Variants in ADAMTSL1 observed in about 807,000 individuals in gnomAD.
The protein encoded by ADAMTSL1 is ADAMTS like 1, also known as ADAMTS-like protein 1.
Under a neutral mutation model 201.8 loss-of-function variants are expected in ADAMTSL1, and 126 were observed. That is an observed-to-expected ratio of 0.62 (90% CI 0.54 to 0.72). The LOEUF is 0.72. Ranked by LOEUF, ADAMTSL1 falls within the 30% of genes least tolerant of loss-of-function variation. The pLI is 0.00. For missense variants in ADAMTSL1, 2,679 were observed against 2,277.8 expected, an observed-to-expected ratio of 1.18 and a Z score of -3.59; for synonymous variants, 1,121 against 903.4, an observed-to-expected ratio of 1.24 and a Z score of -4.32.
At position 17,938,538 on chromosome 9, in the gene ADAMTSL1, T is replaced by A. The variant is rs533382998; in HGVS notation, c.87+31616T>A. On this transcript the variant is annotated intron_variant, in intron 1 of 29. Transcript: ENST00000680146. ...AGGTTTGACTGAAGCCAGTATTCCC[T>A]ATAATTTGTTCCACTAGCTGCAGGT... Among the ~76,000 whole-genome samples the A allele has an allele frequency of 1.3e-4, 20 of 152,278 alleles. No homozygotes were observed. In the South Asian group the frequency reaches 3.9e-3, roughly 30 times the overall value.
chr9:18,037,951 G>GTCTGT (rs71304882), intron 1 of ADAMTSL1, among the ~76,000 whole-genome samples: 63,543 of 151,762 alleles, frequency 0.42, 13,833 homozygotes, highest in Non-Finnish European at 0.48. Flanking sequence ...GTCTGGTCTG[G>GTCTGT]TCTGGCATAT....
At chr9:18,089,270 G>A (rs911943073) in intron 1 of ADAMTSL1, among the ~76,000 whole-genome samples, 1 of 152,140 alleles carries the variant, frequency 6.6e-6, no homozygotes, top group African/African-American at 2.4e-5. Context: ...ATATACCATG[G>A]AATACTCTGC....
intron 2 of ADAMTSL1, among the ~76,000 whole-genome samples, chr9:18,173,630 T>A (rs1158109778): frequency 1.3e-5 from 2 of 152,136 alleles, no homozygotes; most frequent in African/African-American, 4.8e-5. Flanking sequence ...ATACCAAGAT[T>A]AATTATCTAG....
intron 16 of ADAMTSL1, 128 bp from the exon 17 acceptor site, chr9:18,770,474 C>A (rs1023410948): frequency 4.3e-5 from 43 of 995,944 alleles, no homozygotes; most frequent in Non-Finnish European, 6.1e-5. Context: ...GGGCCGATTC[C>A]TGGTTTTTCT....
At chr9:18,170,271 A>G (rs1455637741) in intron 2 of ADAMTSL1, among the ~76,000 whole-genome samples, 1 of 152,014 alleles carries the variant, frequency 6.6e-6, no homozygotes, top group East Asian at 1.9e-4. Context: ...TCATTTCTAC[A>G]TTTTTATGGA....
At position 18,646,676 on chromosome 9, in the gene ADAMTSL1, A is replaced by G. The variant is rs368965851; in HGVS notation, c.834+7265A>G. On this transcript the variant is annotated intron_variant, in intron 7 of 28. Coordinates refer to ENST00000380548, the MANE Select transcript of ADAMTSL1 (RefSeq NM_001040272.6). ...GTGGTTTTTGTCTTTGGTTCTGTTT[A>G]TATGCTGGATTACATTTATTGATTT... is the stretch of plus-strand genomic sequence containing the variant. 9.6e-4 allele frequency among the ~76,000 whole-genome samples: 145 copies of G among 151,518 alleles called. 1 individual carries two copies. The East Asian group carries it at 0.023, about 24-fold the overall frequency.
intron 23 of ADAMTSL1, among the ~76,000 whole-genome samples, chr9:18,845,116 A>T (rs1268040571): frequency 6.6e-5 from 10 of 151,972 alleles, no homozygotes; most frequent in Non-Finnish European, 8.8e-5. Flanking sequence ...TGCAGAAATC[A>T]CCCGTCTTCT....
chr9:18,900,752 C>G (rs1829964815), intron 26 of ADAMTSL1, among the ~76,000 whole-genome samples: 1 of 116,158 alleles, frequency 8.6e-6, no homozygotes, highest in Non-Finnish European at 1.7e-5. Context: ...TGGGGGGAAA[C>G]AACACACACT....
chr9:18,306,241 C>T (rs553222036), intron 2 of ADAMTSL1, among the ~76,000 whole-genome samples: 1 of 152,262 alleles, frequency 6.6e-6, no homozygotes, highest in South Asian at 2.1e-4. Flanking sequence ...GAGGAAAACC[C>T]AGCACAAAAA....
At chr9:18,856,095 C>T (rs766288837) in intron 23 of ADAMTSL1, among the ~76,000 whole-genome samples, 1 of 152,018 alleles carries the variant, frequency 6.6e-6, no homozygotes, top group African/African-American at 2.4e-5. Flanking sequence ...CATGATAGTT[C>T]GTAAAACAAA....
intron 2 of ADAMTSL1, among the ~76,000 whole-genome samples, chr9:18,387,145 A>G (rs879598439): frequency 2.4e-4 from 37 of 152,064 alleles, no homozygotes; most frequent in Non-Finnish European, 2.1e-4. Flanking sequence ...TTTTATATTT[A>G]GGATATAATA....
chr9:18,462,315 A>G (rs28391853), intron 2 of ADAMTSL1, among the ~76,000 whole-genome samples: 3,923 of 152,300 alleles, frequency 0.026, 167 homozygotes, highest in African/African-American at 0.091. Context: ...TCCTTCAACG[A>G]ATACTTGATC....
At chr9:18,190,332 C>A (rs946058082) in intron 2 of ADAMTSL1, among the ~76,000 whole-genome samples, 6 of 152,236 alleles carry the variant, frequency 3.9e-5, no homozygotes, top group Admixed American at 1.3e-4. Flanking sequence ...CTTTTTAATC[C>A]TTGACCATTT....
Position 18,878,629 on chromosome 9 carries a change from T to C in ADAMTSL1, c.4250-9202T>C, listed in dbSNP as rs532254682. On this transcript the variant is annotated intron_variant, in intron 23 of 28. Transcript: ENST00000380548. ...CCTCTCACACTTTGGGCACTCCCAG[T>C]TTTTTGGCTGTTCTCATGGCACCTG... 6.2e-4 allele frequency among the ~76,000 whole-genome samples: 95 copies of C among 152,336 alleles called. 1 individual carries two copies. Among genetic ancestry groups the C allele is most frequent in the African/African-American group, 2.2e-3 (90 of 41,582 alleles).
chr9:18,736,669 T>C (rs929105647), intron 15 of ADAMTSL1, among the ~76,000 whole-genome samples: 3 of 152,242 alleles, frequency 2.0e-5, no homozygotes, highest in African/African-American at 7.2e-5. Context: ...TGCAGTTGTG[T>C]GTTTGTATGT....
intron 2 of ADAMTSL1, among the ~76,000 whole-genome samples, chr9:18,465,418 C>A (rs1316877947): frequency 6.6e-6 from 1 of 152,196 alleles, no homozygotes; most frequent in African/African-American, 2.4e-5. Context: ...AAGCCAGGGC[C>A]GTTTTTCTGG....
chr9:18,826,511 ACTAT>A (rs1464988028), intron 22 of ADAMTSL1, 48 bp downstream of exon 22: 13 of 1,571,068 alleles, frequency 8.3e-6, no homozygotes, highest in South Asian at 1.2e-5. Flanking sequence ...GTTGGGAGTG[ACTAT>A]CTAACCCACC....
intron 21 of ADAMTSL1, among the ~76,000 whole-genome samples, chr9:18,822,053 C>G (rs536845219): frequency 1.3e-5 from 2 of 152,252 alleles, no homozygotes; most frequent in South Asian, 4.1e-4. Context: ...AAAAGATACA[C>G]CACAGGGGAA....
intron 1 of ADAMTSL1, among the ~76,000 whole-genome samples, chr9:17,935,181 T>A (rs1190926144): frequency 1.3e-5 from 2 of 152,066 alleles, no homozygotes; most frequent in Admixed American, 1.3e-4. Context: ...TTCACTTGAC[T>A]TACCACTTTA....
Sources: allele counts gnomAD v4.1 joint callset (sites outside exome capture counted in the v4.1 genomes callset), GRCh38; gene constraint gnomAD v4.1.1; transcripts MANE v1.5; gene names NCBI Gene and HGNC (gene_info 2026-07-23, HGNC 2026-07-21).